The following PIKFYVE variants were observed in gnomAD, a reference collection of about 807,000 sequenced individuals.
PIKFYVE encodes the protein 1-phosphatidylinositol 3-phosphate 5-kinase.
In PIKFYVE, 122 loss-of-function variants were observed where a neutral mutation model predicts 257.9. The ratio of observed to expected loss-of-function variants is 0.47; its 90% confidence interval spans 0.41 to 0.55. The LOEUF is 0.55. PIKFYVE is among the 20% of genes least tolerant of loss of function. The probability of loss-of-function intolerance (pLI) is 0.00; values close to 1 mark genes in which losing one functional copy is unlikely to be tolerated. For missense variants in PIKFYVE, 2,160 were observed against 2,536.6 expected, an observed-to-expected ratio of 0.85 and a Z score of 3.19; for synonymous variants, 892 against 868.9, an observed-to-expected ratio of 1.03 and a Z score of -0.47.
chr2:208,325,137 G>T, intron 19 of PIKFYVE, 100 bp downstream of exon 19: 2 of 1,578,598 alleles, frequency 1.3e-6, no homozygotes, highest in Non-Finnish European at 1.7e-6. Context: ...GTGGGTAAGT[G>T]AGGATAGGCA....
intron 1 of PIKFYVE, among the ~76,000 whole-genome samples, chr2:208,267,422 G>A (rs543729364): frequency 4.7e-4 from 71 of 151,040 alleles, no homozygotes; most frequent in African/African-American, 1.6e-3. Context: ...AAGCGTGTTG[G>A]TCAAAAATTG....
At chr2:208,323,663 C>A (rs1172899134) in intron 17 of PIKFYVE, among the ~76,000 whole-genome samples, 1 of 152,186 alleles carries the variant, frequency 6.6e-6, no homozygotes, top group African/African-American at 2.4e-5. Flanking sequence ...ATTTCTAGTT[C>A]TAGATCCCTG....
In PIKFYVE at chr2:208,325,498, G is replaced by A. The variant is rs903568706; in HGVS notation, c.2687G>A (p.Arg896Gln). 9.9e-6 allele frequency: 16 copies of A among 1,614,036 alleles called. No homozygotes were observed. The highest frequency in any genetic ancestry group is 7.7e-5 in the South Asian group (7 of 91,088). Residue 896 changes from arginine (R) to glutamine (Q), a missense_variant, in exon 20 of 42, where the codon CGA (arginine) becomes CAA (glutamine). By Grantham distance (43) the Arg-to-Gln change is conservative (BLOSUM62 1). Transcript: ENST00000264380. ...NPSFHSLIEG[R>Q]GHEGAVQEQY... ...TCATTCCATTCCCTGATTGAGGGAC[G>A]AGGGCATGAGGGGGCTGTCCAAGAG... is the stretch of plus-strand genomic sequence containing the variant.
intron 20 of PIKFYVE, among the ~76,000 whole-genome samples, chr2:208,327,650 A>G (rs1204143266): frequency 1.3e-5 from 2 of 152,354 alleles, no homozygotes; most frequent in African/African-American, 4.8e-5. Flanking sequence ...CCACAGAGTC[A>G]AACTCCGCAG....
rs745795722 is a variant in PIKFYVE at position 208,301,092 on chromosome 2, A to G, written c.1206A>G (p.Thr402=). ...TAATCCGAAATGGGCATATTGCCAC[A>G]AGGTATTCTGATCTTAGAAGGTTTC... is the stretch of plus-strand genomic sequence containing the variant. ...NWLIRNGHIA[T]RAQAIAIGQA... is the part of the protein sequence containing the mutation. The change falls in exon 9 of 42, where the codon ACA becomes ACG. Residue 402 remains threonine, a splice_region_variant and synonymous_variant. Coordinates refer to ENST00000264380, the MANE Select transcript of PIKFYVE (RefSeq NM_015040.4). 1.1e-5 allele frequency: 18 copies of G among 1,613,914 alleles called. No homozygotes were observed. The highest frequency in any genetic ancestry group is 1.2e-5 in the Non-Finnish European group (14 of 1,179,878).
At chr2:208,319,339 A>G (rs1695934370) in intron 16 of PIKFYVE, among the ~76,000 whole-genome samples, 1 of 152,242 alleles carries the variant, frequency 6.6e-6, no homozygotes, top group African/African-American at 2.4e-5. Context: ...ATAATTCGAC[A>G]TCAGTCAATA....
rs1328952368 is a variant in PIKFYVE at position 208,355,124 on chromosome 2, G to T, written c.6182-66G>T. On this transcript the variant is annotated intron_variant, in intron 41 of 41. Coordinates refer to ENST00000264380, the MANE Select transcript of PIKFYVE (RefSeq NM_015040.4). ...CAGTTTATATGAAAGAACATGGTCA[G>T]TTGACTTCAGTTGCCCAATCAATTA... 28 of 1,225,044 alleles carry T rather than the reference G, an allele frequency of 2.3e-5. No individual in the cohort carries two copies. The East Asian group carries it at 6.5e-4, about 29-fold the overall frequency. The allele number at this position is 1,225,044 out of a possible 1,614,324, so 75.9% of individuals were successfully genotyped here. A position where few individuals can be genotyped will look rare whatever the true frequency, so the allele number is the denominator to read the frequency against.
At position 208,313,944 on chromosome 2, in the gene PIKFYVE, A is replaced by G. The variant is rs192731657; in HGVS notation, c.1697-350A>G. Among the ~76,000 whole-genome samples the G allele has an allele frequency of 8.5e-5, 13 of 152,292 alleles. No homozygotes were observed. The East Asian group carries it at 1.9e-3, about 23-fold the overall frequency. On this transcript the variant is annotated intron_variant, in intron 13 of 41. Transcript: ENST00000264380. ...TTTTTAAAAATTAAAAGGAGAAGCA[A>G]AAGTTTCATTTTATTTGCTTTTCAG... is the stretch of plus-strand genomic sequence containing the variant.
At chr2:208,317,340 A>C (rs1253990281) in intron 15 of PIKFYVE, among the ~76,000 whole-genome samples, 1 of 152,190 alleles carries the variant, frequency 6.6e-6, no homozygotes, top group Admixed American at 6.5e-5. Flanking sequence ...GACACTTCTC[A>C]AAAGAAGACA....
rs754078353 is a variant in PIKFYVE, at chr2:208,345,219, AT to A, written c.5111+29del. 25 of 1,537,054 alleles carry A rather than the reference AT, an allele frequency of 1.6e-5. No individual in the cohort carries two copies. The Middle Eastern group carries it at 5.0e-4, about 31-fold the overall frequency. On this transcript the variant is annotated intron_variant, in intron 33 of 41. Transcript: ENST00000264380. ...GGTGATTCATGATTGAGTAGAAACT[AT>A]TTTAATTTAGTTATGTTATCATTTT...
chr2:208,330,171 A>G (rs1697367993), intron 22 of PIKFYVE, among the ~76,000 whole-genome samples: 1 of 152,166 alleles, frequency 6.6e-6, no homozygotes, highest in African/African-American at 2.4e-5. Context: ...GTTTTTTTAC[A>G]GTGATTCAAA....
rs144289779 is a variant in PIKFYVE, at chr2:208,325,430, C to T, written c.2619C>T (p.Leu873=). The part of the protein sequence containing the change: ...AYHSQLEISF[L]MDEFAMPPTL... ...ATTCTCAACTAGAAATATCCTTTCT[C>T]ATGGATGAATTTGCTATGCCTCCCA... The change falls in exon 20 of 42, where the codon CTC becomes CTT. Residue 873 remains leucine, a synonymous_variant. Transcript: ENST00000264380. The T allele has an allele frequency of 1.9e-6, 3 of 1,614,174 alleles. No individual in the cohort carries two copies. Among genetic ancestry groups the T allele is most frequent in the East Asian group, 2.2e-5 (1 of 44,880 alleles).
chr2:208,338,238 T>TA (rs1698353871), intron 28 of PIKFYVE, among the ~76,000 whole-genome samples: 1 of 152,178 alleles, frequency 6.6e-6, no homozygotes, highest in Non-Finnish European at 1.5e-5. Context: ...ATCGGTATGT[T>TA]ACGTGTTTAA....
chr2:208,284,428 T>G (rs1368227537), intron 5 of PIKFYVE, among the ~76,000 whole-genome samples: 2 of 152,110 alleles, frequency 1.3e-5, no homozygotes, highest in African/African-American at 4.8e-5. Flanking sequence ...GCCTGGCTAA[T>G]TTTTGTATTT....
At position 208,355,493 on chromosome 2, in the gene PIKFYVE, A is replaced by C; in HGVS notation, c.*188A>C. On this transcript the variant is annotated 3_prime_UTR_variant, in exon 42 of 42. Coordinates refer to ENST00000264380, the MANE Select transcript of PIKFYVE (RefSeq NM_015040.4). ...CCATGAATTTGCACTTTGGTTTTTG[A>C]TACCTGTGGAGCTGTCTGTAGGTTG... 5.3e-6 allele frequency: 3 copies of C among 566,610 alleles called. No homozygotes were observed. The highest frequency in any genetic ancestry group is 9.4e-6 in the Non-Finnish European group (3 of 318,044). 35.1% of individuals were successfully genotyped at this position (566,610 alleles called of 1,614,324 possible).
intron 17 of PIKFYVE, among the ~76,000 whole-genome samples, chr2:208,323,882 G>A (rs1696600873): frequency 1.3e-5 from 2 of 152,294 alleles, no homozygotes; most frequent in South Asian, 4.1e-4. Context: ...ATTTTTTCAT[G>A]TGTCTGTTGG....
intron 16 of PIKFYVE, 102 bp from the exon 17 acceptor site, chr2:208,320,150 G>A: frequency 7.0e-7 from 1 of 1,433,824 alleles, no homozygotes. Flanking sequence ...GATACATTAA[G>A]TTAGTAGGAA....
chr2:208,336,070 T>C lies in PIKFYVE; in HGVS notation c.4390T>C (p.Trp1464Arg). Residue 1464 changes from tryptophan (W) to arginine (R), a missense_variant, in exon 27 of 42, where the codon TGG becomes CGG. Physicochemically the swap from Trp to Arg is moderately radical, Grantham distance 101. Around this residue, in one of 12 missense-constraint regions of PIKFYVE, gnomAD observed 699 missense variants for 855.8 expected, o/e 0.82. Transcript: ENST00000264380. ...KEMEEGEFKN[W>R]IEKMQARLMS... ...GATGGAAGAAGGTGAGTTCAAGAACTGGATTGAGAAGATGCAAGCAAGGCT... is the reference window on the plus strand; with the variant it reads ...GATGGAAGAAGGTGAGTTCAAGAACCGGATTGAGAAGATGCAAGCAAGGCT... The C allele has an allele frequency of 6.2e-7, 1 of 1,614,108 alleles. No homozygotes were observed. Among genetic ancestry groups the C allele is most frequent in the Non-Finnish European group, 8.5e-7 (1 of 1,179,990 alleles).
chr2:208,333,445 A>G lies in PIKFYVE; in HGVS notation c.4094A>G (p.His1365Arg), dbSNP rs1352062904. 2 of 1,614,108 alleles carry G rather than the reference A, an allele frequency of 1.2e-6. No individual in the cohort carries two copies. The highest frequency in any genetic ancestry group is 1.3e-5 in the African/African-American group (1 of 75,032). ...GAGCCCTGTGGTCACTCCATCCATC[A>G]TGATTATCACCAGTATTTCTCCTAT... The part of the protein sequence containing the change: ...NAEPCGHSIH[H>R]DYHQYFSYNQ... The change falls in exon 24 of 42, where the codon CAT becomes CGT. Residue 1365 changes from histidine (H) to arginine (R), a missense_variant. Transcript: ENST00000264380.
Sources: gnomAD v4.1 joint callset for allele counts (sites outside exome capture counted in the v4.1 genomes callset) on GRCh38, gnomAD v4.1.1 for gene constraint, gnomAD v4.1.1 regional missense constraint, MANE v1.5 for transcripts, NCBI Gene and HGNC (gene_info 2026-07-23, HGNC 2026-07-21) for gene names.